Variants in NPSR1 observed in about 807,000 individuals in gnomAD.
NPSR1 encodes neuropeptide S receptor.
Under a neutral mutation model 46.9 loss-of-function variants are expected in NPSR1, and 48 were observed. The ratio of observed to expected loss-of-function variants is 1.02; its 90% CI spans 0.81 to 1.30. NPSR1 has a LOEUF of 1.30. NPSR1 is among the 50% of genes most tolerant of loss of function. The pLI is 0.00. For missense variants in NPSR1, 450 were observed against 449.5 expected (o/e 1.00, Z -0.01); for synonymous variants, 176 against 168.1 (o/e 1.05, Z -0.36).
intron 2 of NPSR1, among the ~76,000 whole-genome samples, chr7:34,771,229 G>A (rs1031250350): frequency 4.6e-5 from 7 of 152,274 alleles, no homozygotes; most frequent in African/African-American, 1.7e-4. Flanking sequence ...GAGCCCGGGA[G>A]TTCAAGACCA....
chr7:34,694,533 G>C (rs888255607), intron 2 of NPSR1, among the ~76,000 whole-genome samples: 12 of 152,182 alleles, frequency 7.9e-5, no homozygotes, highest in African/African-American at 2.9e-4. Context: ...CACATGACTG[G>C]AAAAACATCC....
chr7:34,741,385 T>A (rs1784933698), intron 2 of NPSR1, among the ~76,000 whole-genome samples: 1 of 152,216 alleles, frequency 6.6e-6, no homozygotes, highest in African/African-American at 2.4e-5. Flanking sequence ...TTGATTTACT[T>A]GTACATATTA....
At chr7:34,836,363 G>A (rs1790370123) in intron 6 of NPSR1, among the ~76,000 whole-genome samples, 1 of 152,112 alleles carries the variant, frequency 6.6e-6, no homozygotes, top group Non-Finnish European at 1.5e-5. Context: ...CATTGAAAGA[G>A]AATTATATGG....
chr7:34,732,013 T>G (rs1261336877), intron 2 of NPSR1, among the ~76,000 whole-genome samples: 1 of 144,692 alleles, frequency 6.9e-6, no homozygotes, highest in Non-Finnish European at 1.5e-5. Context: ...AAACTCTATC[T>G]CTACCAAAAA....
chr7:34,751,991 G>A (rs969945052), intron 2 of NPSR1: 1 of 867,348 alleles, frequency 1.2e-6, no homozygotes, highest in Non-Finnish European at 1.9e-6. Flanking sequence ...TGTCAGAGAT[G>A]TTGGCGATGG....
chr7:34,843,347 C>T (rs1049368010), intron 6 of NPSR1, among the ~76,000 whole-genome samples: 7 of 152,200 alleles, frequency 4.6e-5, no homozygotes, highest in African/African-American at 1.2e-4. Context: ...ACAGAGAGAA[C>T]GTCAAGCCAA....
Position 34,689,546 on chromosome 7 carries a change from A to G in NPSR1, c.280+4862A>G, listed in dbSNP as rs927980256. Among the ~76,000 whole-genome samples, 4 of 132,154 alleles carry G rather than the reference A, an allele frequency of 3.0e-5. No homozygotes were observed. In the Admixed American group the frequency reaches 3.6e-4, roughly 12 times the overall value. The allele number at this position is 132,154 out of a possible 152,430, so 86.7% of individuals were successfully genotyped here. On this transcript the variant is annotated intron_variant, in intron 2 of 8. Transcript: ENST00000360581. ...CATGACCCCAGGAGGTGGAGCTTGC[A>G]GTGAGCCGAGATTGTGCCACTGCAC...
intron 1 of NPSR1, among the ~76,000 whole-genome samples, chr7:34,676,585 CTGAG>C (rs1441455961): frequency 6.6e-6 from 1 of 152,116 alleles, no homozygotes; most frequent in Non-Finnish European, 1.5e-5. Context: ...GAGCAAGCAG[CTGAG>C]TGTTTTCATA....
intron 2 of NPSR1, among the ~76,000 whole-genome samples, chr7:34,744,986 AG>A (rs1300355206): frequency 5.3e-5 from 8 of 152,250 alleles, no homozygotes; most frequent in African/African-American, 1.9e-4. Flanking sequence ...ACATTGTATT[AG>A]GAATTAAAAG....
intron 2 of NPSR1, among the ~76,000 whole-genome samples, chr7:34,724,223 C>G (rs1784020050): frequency 6.6e-6 from 1 of 152,228 alleles, no homozygotes; most frequent in Admixed American, 6.5e-5. Context: ...AGGAAAACTT[C>G]TGAACAGTGT....
rs748946517 is a variant in NPSR1, at chr7:34,684,652, T to C, written c.248T>C (p.Met83Thr). The C allele has an allele frequency of 1.2e-6, 2 of 1,613,400 alleles. No homozygotes were observed. Among genetic ancestry groups the C allele is most frequent in the South Asian group, 2.2e-5 (2 of 90,940 alleles). ...TGGAGGAGAAAGAAGAAGTCAAGAATGACCTTCTTTGTGACTCAGCTGGCC... is the reference window on the plus strand; with the variant it reads ...TGGAGGAGAAAGAAGAAGTCAAGAACGACCTTCTTTGTGACTCAGCTGGCC... ...STWRRKKKSR[M>T]TFFVTQLAIT... The change falls in exon 2 of 9, where the codon ATG (methionine) becomes ACG (threonine). Residue 83 changes from methionine (M) to threonine (T), a missense_variant. Physicochemically the swap from Met to Thr is moderately conservative, Grantham distance 81. Transcript: ENST00000360581.
rs116379711 is a variant in NPSR1, at chr7:34,781,785, G to C, written c.384+3220G>C. On this transcript the variant is annotated intron_variant, in intron 3 of 8. Coordinates refer to ENST00000360581, the MANE Select transcript of NPSR1 (RefSeq NM_207172.2). ...TGCCCACACTCCAGACTGATAGTCT[G>C]ACTACACTGGGCTCACCCATGTTTT... is the stretch of plus-strand genomic sequence containing the variant. Among the ~76,000 whole-genome samples, 649 of 152,244 alleles carry C rather than the reference G, an allele frequency of 4.3e-3. 2 individuals are homozygous for C. The highest frequency in any genetic ancestry group is 0.015 in the African/African-American group (626 of 41,544).
At chr7:34,876,285 C>T (rs141263149) in intron 8 of NPSR1, among the ~76,000 whole-genome samples, 12 of 152,312 alleles carry the variant, frequency 7.9e-5, no homozygotes, top group Non-Finnish European at 1.6e-4. Context: ...ACCCCACATA[C>T]TGGCTATGTG....
At chr7:34,663,025 T>G (rs1791533386) in intron 1 of NPSR1, among the ~76,000 whole-genome samples, 1 of 126,878 alleles carries the variant, frequency 7.9e-6, no homozygotes, top group African/African-American at 3.2e-5. Flanking sequence ...CCAGGGGCAG[T>G]GCTTCTGTAG....
intron 3 of NPSR1, among the ~76,000 whole-genome samples, chr7:34,793,010 C>A (rs1011085360): frequency 6.6e-6 from 1 of 151,434 alleles, no homozygotes; most frequent in Non-Finnish European, 1.5e-5. Flanking sequence ...CATAGCAAGA[C>A]CCTGTCTCTA....
intron 2 of NPSR1, among the ~76,000 whole-genome samples, chr7:34,736,682 C>G (rs922283441): frequency 6.6e-6 from 1 of 152,116 alleles, no homozygotes; most frequent in African/African-American, 2.4e-5. Context: ...CTCACTGCAA[C>G]CTGGAACTTC....
chr7:34,851,794 G>A (rs1265868899), downstream of NPSR1, among the ~76,000 whole-genome samples: 1 of 152,138 alleles, frequency 6.6e-6, no homozygotes, highest in South Asian at 2.1e-4. Context: ...GGGGCGTTGT[G>A]ATCTGTAGAA....
chr7:34,678,148 G>T (rs201408300), intron 1 of NPSR1, among the ~76,000 whole-genome samples: 2 of 146,914 alleles, frequency 1.4e-5, no homozygotes, highest in Non-Finnish European at 3.0e-5. Flanking sequence ...ACAAGTGCAA[G>T]AAATAAACCA....
At position 34,823,128 on chromosome 7, in the gene NPSR1, C is replaced by T. The variant is rs1039549394; in HGVS notation, c.479-4273C>T. ...AAATGAGACCAGGCGCTGTGGCCCA[C>T]GCCGGTAATCCCAGCACTTCGGGAG... On this transcript the variant is annotated intron_variant, in intron 4 of 8. Coordinates refer to ENST00000360581, the MANE Select transcript of NPSR1 (RefSeq NM_207172.2). Among the ~76,000 whole-genome samples, 10 of 152,210 alleles carry T rather than the reference C, an allele frequency of 6.6e-5. No individual in the cohort carries two copies. The East Asian group carries it at 9.7e-4, about 15-fold the overall frequency.
Sources: allele counts gnomAD v4.1 joint callset (sites outside exome capture counted in the v4.1 genomes callset), GRCh38; gene constraint gnomAD v4.1.1; transcripts MANE v1.5; gene names NCBI Gene and HGNC (gene_info 2026-07-23, HGNC 2026-07-21).